Variants in ANGPT4 observed in about 807,000 individuals in gnomAD.
ANGPT4 encodes angiopoietin-4.
In ANGPT4, 50 loss-of-function variants were observed where a neutral mutation model predicts 53.0. The observed-to-expected ratio is 0.94, with a 90% confidence interval of 0.75 to 1.20. ANGPT4 has a LOEUF of 1.20. Among genes scored for constraint, ANGPT4 ranks in the 50% most tolerant of loss-of-function variants. The pLI is 0.00. For missense variants in ANGPT4, 648 were observed against 637.1 expected, an observed-to-expected ratio of 1.02 and a Z score of -0.18; for synonymous variants, 251 against 259.7, an observed-to-expected ratio of 0.97 and a Z score of 0.32.
At chr20:894,671 A>G (rs946874838) in intron 1 of ANGPT4, among the ~76,000 whole-genome samples, 1 of 152,160 alleles carries the variant, frequency 6.6e-6, no homozygotes, top group African/African-American at 2.4e-5. Flanking sequence ...CCAGGTACTG[A>G]GCACCTGCTC....
chr20:912,382 G>A (rs917045422), intron 1 of ANGPT4, among the ~76,000 whole-genome samples: 1 of 152,204 alleles, frequency 6.6e-6, no homozygotes, highest in Non-Finnish European at 1.5e-5. Flanking sequence ...CCTAGAGGGA[G>A]GGCATGGTGG....
In ANGPT4 at chr20:879,423, C is replaced by T. The variant is rs182737132; in HGVS notation, c.1053+324G>A. On this transcript the variant is annotated intron_variant, in intron 6 of 8. Coordinates refer to ENST00000381922, the MANE Select transcript of ANGPT4 (RefSeq NM_015985.4). ...AAGACAAGAAACTTCATTAAAGCAA[C>T]GCAGTCAGGGTTGACTGGGGGGATT... Among the ~76,000 whole-genome samples the T allele has an allele frequency of 6.6e-5, 10 of 152,212 alleles. No homozygotes were observed. The East Asian group carries it at 9.6e-4, about 15-fold the overall frequency.
At chr20:906,519 T>C (rs1367585444) in intron 1 of ANGPT4, among the ~76,000 whole-genome samples, 1 of 152,274 alleles carries the variant, frequency 6.6e-6, no homozygotes, top group African/African-American at 2.4e-5. Flanking sequence ...TTTAGGGTAA[T>C]TTGTTATGCC....
chr20:888,771 G>A (rs532789042), intron 2 of ANGPT4, among the ~76,000 whole-genome samples: 1 of 152,302 alleles, frequency 6.6e-6, no homozygotes, highest in East Asian at 1.9e-4. Context: ...CTCCTGCTCT[G>A]TGGCCCTCAC....
At chr20:896,508 CGT>C (rs1555791530) in intron 1 of ANGPT4, among the ~76,000 whole-genome samples, 1 of 152,084 alleles carries the variant, frequency 6.6e-6, no homozygotes, top group Non-Finnish European at 1.5e-5. Context: ...GAAGTGGGAG[CGT>C]GTCTGGTATT....
chr20:901,739 C>T (rs1982295739), intron 1 of ANGPT4, among the ~76,000 whole-genome samples: 1 of 152,176 alleles, frequency 6.6e-6, no homozygotes, highest in African/African-American at 2.4e-5. Flanking sequence ...ATGGTGAAAC[C>T]TTGTGTCTAC....
At position 879,743 on chromosome 20, in the gene ANGPT4, C is replaced by A; in HGVS notation, c.1053+4G>T. On this transcript the variant is annotated splice_donor_region_variant and intron_variant, in intron 6 of 8. Coordinates refer to ENST00000381922, the MANE Select transcript of ANGPT4 (RefSeq NM_015985.4). ...ATGGCCCCTCCCCAAGGCAGCAGGG[C>A]TACCTGTTTGTAATCCTTCCAGTTC... is the stretch of plus-strand genomic sequence containing the variant. 6.2e-7 allele frequency: 1 copy of A among 1,612,680 alleles called. No individual in the cohort carries two copies. Among genetic ancestry groups the A allele is most frequent in the African/African-American group, 1.3e-5 (1 of 74,976 alleles).
chr20:888,821 C>T (rs1981721640), intron 2 of ANGPT4, among the ~76,000 whole-genome samples: 1 of 152,184 alleles, frequency 6.6e-6, no homozygotes, highest in African/African-American at 2.4e-5. Flanking sequence ...GCAATCTATT[C>T]TCTACTCAGT....
intron 1 of ANGPT4, among the ~76,000 whole-genome samples, chr20:891,906 C>T (rs1245857522): frequency 6.6e-6 from 1 of 152,130 alleles, no homozygotes; most frequent in African/African-American, 2.4e-5. Flanking sequence ...ATGTGAATTT[C>T]CAGGTCCCAC....
At chr20:892,779 C>T (rs149103509) in intron 1 of ANGPT4, among the ~76,000 whole-genome samples, 1 of 152,228 alleles carries the variant, frequency 6.6e-6, no homozygotes, top group Non-Finnish European at 1.5e-5. Context: ...TTCAAACAAT[C>T]CTCCCACCTC....
chr20:899,443 C>G (rs192294857), intron 1 of ANGPT4, among the ~76,000 whole-genome samples: 1 of 151,776 alleles, frequency 6.6e-6, no homozygotes, highest in Non-Finnish European at 1.5e-5. Context: ...TTAGTAGAGA[C>G]GGGGTTTCAC....
At chr20:888,207 G>T (rs771258302) in intron 3 of ANGPT4, 111 bp downstream of exon 3, 114 of 1,414,358 alleles carry the variant, frequency 8.1e-5, no homozygotes, top group Non-Finnish European at 1.0e-4. Flanking sequence ...TCCAGCTTCC[G>T]GTCCTGGCTC....
chr20:897,076 A>G (rs1568846168), intron 1 of ANGPT4, among the ~76,000 whole-genome samples: 1 of 151,758 alleles, frequency 6.6e-6, no homozygotes, highest in East Asian at 1.9e-4. Context: ...CCAGAGAACA[A>G]CCCCCTTTAA....
intron 3 of ANGPT4, among the ~76,000 whole-genome samples, chr20:886,118 C>A (rs545283020): frequency 2.7e-5 from 4 of 150,862 alleles, no homozygotes; most frequent in Admixed American, 1.3e-4. Context: ...AATCAAGAGA[C>A]ATTTTTTGTA....
Position 914,908 on chromosome 20 carries a change from T to G in ANGPT4, c.309+998A>C, listed in dbSNP as rs1276632183. Among the ~76,000 whole-genome samples the G allele has an allele frequency of 6.6e-6, 1 of 152,144 alleles. No homozygotes were observed. The highest frequency in any genetic ancestry group is 1.9e-4 in the East Asian group (1 of 5,186). ...GGGCATTCTACAGCAGCCCTGGTCTTGGGCCAAAACCACAGTGGCATCCTC... is the reference window on the plus strand; with the variant it reads ...GGGCATTCTACAGCAGCCCTGGTCTGGGGCCAAAACCACAGTGGCATCCTC... On this transcript the variant is annotated intron_variant, in intron 1 of 8. Coordinates refer to ENST00000381922, the MANE Select transcript of ANGPT4 (RefSeq NM_015985.4). The surrounding 1 kb of genome is among the most constrained non-coding windows in gnomAD (Gnocchi z 5.0).
intron 3 of ANGPT4, among the ~76,000 whole-genome samples, chr20:887,949 A>T (rs1408309730): frequency 1.3e-5 from 2 of 151,986 alleles, no homozygotes; most frequent in African/African-American, 4.8e-5. Flanking sequence ...GGGCCCCAGG[A>T]AGATGCCTAT....
intron 8 of ANGPT4, among the ~76,000 whole-genome samples, chr20:873,377 C>T (rs1981029267): frequency 1.3e-5 from 2 of 152,032 alleles, no homozygotes; most frequent in South Asian, 4.2e-4. Flanking sequence ...GGCCTTCTCC[C>T]TGAGCCCTTG....
chr20:913,284 G>A (rs1982776664), intron 1 of ANGPT4, among the ~76,000 whole-genome samples: 1 of 152,160 alleles, frequency 6.6e-6, no homozygotes, highest in Non-Finnish European at 1.5e-5. Context: ...ACCAGAGGAA[G>A]GTCACAGCCA....
rs954837341 is a variant in ANGPT4, at chr20:871,569, C to T, written c.*1391G>A. The T allele has an allele frequency of 2.6e-5, 4 of 152,520 alleles. 1 individual carries two copies. In the South Asian group the frequency reaches 8.3e-4, roughly 32 times the overall value. 9.4% of individuals were successfully genotyped at this position (152,520 alleles called of 1,614,324 possible). On this transcript the variant is annotated 3_prime_UTR_variant, in exon 9 of 9. Transcript: ENST00000381922. The stretch of plus-strand genomic sequence containing the variant: ...TCCCAAACTCAGGCAGAGGCCTTAT[C>T]TCCTCCCCTGCAGCTCCCCACCTAC...
Sources: allele counts gnomAD v4.1 joint callset (sites outside exome capture counted in the v4.1 genomes callset), GRCh38; gene constraint gnomAD v4.1.1; non-coding constraint Gnocchi (gnomAD v3.1); transcripts MANE v1.5; gene names NCBI Gene and HGNC (gene_info 2026-07-23, HGNC 2026-07-21).